The following FARP1 variants were observed in gnomAD, a reference collection of about 807,000 sequenced individuals.
FARP1 encodes FERM, ARHGEF and pleckstrin domain-containing protein 1.
In FARP1, 52 loss-of-function variants were observed where a neutral mutation model predicts 128.8. That is an observed-to-expected ratio of 0.40 (90% confidence interval 0.32 to 0.51). FARP1 has a LOEUF of 0.51. Ranked by LOEUF, FARP1 falls within the 20% of genes least tolerant of loss-of-function variation. The pLI is 0.45. For synonymous variants in FARP1, 580 were observed against 551.8 expected (o/e 1.05, Z -0.72); for missense variants, 1,333 against 1,367.9 (o/e 0.97, Z 0.40).
intron 2 of FARP1, among the ~76,000 whole-genome samples, chr13:98,300,388 C>CT (rs1190669984): frequency 1.3e-5 from 2 of 152,250 alleles, no homozygotes; most frequent in Non-Finnish European, 2.9e-5. Context: ...AACCACATCT[C>CT]TATCATCGTT....
chr13:98,245,279 G>A, intron 2 of FARP1: 1 of 984,546 alleles, frequency 1.0e-6, no homozygotes, highest in Non-Finnish European at 1.2e-6. Context: ...CATTTAGAAA[G>A]GCGAATAAAG....
chr13:98,440,701 G>T lies in FARP1; in HGVS notation c.2661G>T (p.Gln887His). 6.2e-7 allele frequency: 1 copy of T among 1,613,436 alleles called. No homozygotes were observed. ...KSPDEATAADQESEDDLSASR... is the reference protein window; with the variant it reads ...KSPDEATAADHESEDDLSASR... ...CTGATGAAGCCACCGCGGCTGACCA[G>T]GAGTCAGAGGATGACCTGAGCGCCT... The change falls in exon 24 of 27, where the codon CAG becomes CAT. Residue 887 changes from glutamine (Q) to histidine (H), a missense_variant. Gln to His is a conservative substitution (Grantham distance 24). This residue lies in a region of FARP1 where 1,009 missense variants were observed against 969.8 expected (regional missense o/e 1.04). Transcript: ENST00000319562.
intron 24 of FARP1, among the ~76,000 whole-genome samples, chr13:98,443,308 A>G (rs1249304098): frequency 6.6e-6 from 1 of 152,242 alleles, no homozygotes; most frequent in Admixed American, 6.5e-5. Context: ...GTGACCACCT[A>G]GTACAGTCAG....
intron 1 of FARP1, among the ~76,000 whole-genome samples, chr13:98,206,418 C>G (rs888216017): frequency 1.3e-5 from 2 of 152,150 alleles, no homozygotes; most frequent in African/African-American, 4.8e-5. Flanking sequence ...GCACACCTGT[C>G]CCTGTTATTC....
chr13:98,371,211 G>GC (rs1298402513), intron 5 of FARP1, among the ~76,000 whole-genome samples: 32 of 114,232 alleles, frequency 2.8e-4, no homozygotes, highest in Admixed American at 7.5e-4. Flanking sequence ...CCTCACCCCC[G>GC]CCCCCCGTTT....
At chr13:98,277,582 G>T (rs780664415) in intron 2 of FARP1, among the ~76,000 whole-genome samples, 2 of 152,162 alleles carry the variant, frequency 1.3e-5, no homozygotes, top group Admixed American at 1.3e-4. Flanking sequence ...GGGTGGTGGC[G>T]CTGGGAAAGG....
chr13:98,395,145 GC>G, intron 12 of FARP1, 81 bp from the exon 13 acceptor site: 1 of 1,486,506 alleles, frequency 6.7e-7, no homozygotes, highest in Non-Finnish European at 9.0e-7. Flanking sequence ...TTCTTGCCTG[GC>G]TCTCCTTTTC....
intron 25 of FARP1, 35 bp downstream of exon 25, chr13:98,446,240 C>A: frequency 7.0e-7 from 1 of 1,438,392 alleles, no homozygotes; most frequent in Non-Finnish European, 9.8e-7. Context: ...GGCCCTGGGA[C>A]CTTGGGGGTG....
intron 5 of FARP1, among the ~76,000 whole-genome samples, chr13:98,372,851 G>A (rs1021688235): frequency 6.6e-6 from 1 of 152,072 alleles, no homozygotes; most frequent in African/African-American, 2.4e-5. Context: ...TGTTTTCATT[G>A]TGTTTACCGG....
At chr13:98,260,013 T>C (rs1393312199) in intron 2 of FARP1, among the ~76,000 whole-genome samples, 3 of 151,974 alleles carry the variant, frequency 2.0e-5, no homozygotes, top group Non-Finnish European at 2.9e-5. Context: ...CAAAGTTCTT[T>C]CCTTATTTAA....
In FARP1 at chr13:98,454,275, C is replaced by T. The variant is rs1045597150; in HGVS notation, c.*5958C>T. 6.6e-6 allele frequency: 1 copy of T among 152,190 alleles called. No individual in the cohort carries two copies. The highest frequency in any genetic ancestry group is 1.5e-5 in the Non-Finnish European group (1 of 68,038). The allele number at this position is 152,190 out of a possible 1,614,324, so 9.4% of individuals were successfully genotyped here. A position where few individuals can be genotyped will look rare whatever the true frequency, so the allele number is the denominator to read the frequency against. ...ATTTCTGTGTCTTCCAAAAATTCTA[C>T]AAGATTGTCTTCAGAAGACAACAAA... On this transcript the variant is annotated 3_prime_UTR_variant, in exon 27 of 27. Coordinates refer to ENST00000319562, the MANE Select transcript of FARP1 (RefSeq NM_005766.4).
rs56857116 is a variant in FARP1 at position 98,446,484 on chromosome 13, C to A, written c.2905-182C>A. The A allele has an allele frequency of 9.3e-6, 6 of 642,504 alleles. No homozygotes were observed. In the East Asian group the frequency reaches 1.4e-4, roughly 15 times the overall value. 39.8% of individuals were successfully genotyped at this position (642,504 alleles called of 1,614,324 possible). ...GGCTTTATCTACAGCTCAGTCCTGG[C>A]GGGACTTGCCACCCGGGCCATCACG... On this transcript the variant is annotated intron_variant, in intron 25 of 26. Transcript: ENST00000319562.
Position 98,213,311 on chromosome 13 carries a change from T to G in FARP1, c.69T>G (p.Ser23Arg), listed in dbSNP as rs1430573241. The change falls in exon 2 of 27, where the codon AGT becomes AGG. Residue 23 changes from serine (S) to arginine (R), a missense_variant. Around this residue, in one of 2 missense-constraint regions of FARP1, gnomAD observed 324 missense variants for 398.1 expected, o/e 0.81. Coordinates refer to ENST00000319562, the MANE Select transcript of FARP1 (RefSeq NM_005766.4). ...RLGAPENSGI[S>R]TLERGQKPPP... ...GGGCCCCGGAAAATTCGGGGATCAG[T>G]ACCTTGGAACGTGGACAGAAGCCGC... 6.2e-7 allele frequency: 1 copy of G among 1,614,146 alleles called. No homozygotes were observed. Among genetic ancestry groups the G allele is most frequent in the African/African-American group, 1.3e-5 (1 of 75,044 alleles).
At chr13:98,167,470 C>T (rs7322822) in intron 1 of FARP1, among the ~76,000 whole-genome samples, 67,514 of 146,770 alleles carry the variant, frequency 0.46, 16,691 homozygotes, top group East Asian at 0.72. Flanking sequence ...AGTGCAGTGG[C>T]GCGATCTCAG....
intron 5 of FARP1, among the ~76,000 whole-genome samples, chr13:98,374,769 A>G (rs1024199911): frequency 1.3e-5 from 2 of 152,248 alleles, no homozygotes; most frequent in African/African-American, 2.4e-5. Context: ...GGATGGCTAA[A>G]AAGTTCAAGA....
rs532137801 is a variant in FARP1, at chr13:98,380,423, T to C, written c.496+2505T>C. 2.6e-3 allele frequency among the ~76,000 whole-genome samples: 381 copies of C among 144,434 alleles called. 2 individuals carry two copies. Among genetic ancestry groups the C allele is most frequent in the Admixed American group, 8.3e-3 (120 of 14,538 alleles). 94.8% of individuals were successfully genotyped at this position (144,434 alleles called of 152,430 possible). On this transcript the variant is annotated intron_variant, in intron 6 of 26. Transcript: ENST00000319562. Reference sequence around the variant, plus strand: ...GCCTGGGCGACAGAGTGAGACTCTGTCTAAAAAAAAAAAAAGAAGAAGAGT... The same window carrying C: ...GCCTGGGCGACAGAGTGAGACTCTGCCTAAAAAAAAAAAAAGAAGAAGAGT...
At chr13:98,149,722 A>C (rs564978130) in intron 1 of FARP1, among the ~76,000 whole-genome samples, 4 of 130,988 alleles carry the variant, frequency 3.1e-5, no homozygotes, top group African/African-American at 1.1e-4. Context: ...TGTCTGTTAG[A>C]TATTTACTTT....
intron 2 of FARP1, among the ~76,000 whole-genome samples, chr13:98,265,608 C>T (rs1480812668): frequency 2.6e-5 from 4 of 152,010 alleles, no homozygotes; most frequent in African/African-American, 7.3e-5. Context: ...CGTGAGCCAC[C>T]GCGCCCAGCC....
chr13:98,445,917 G>T, intron 24 of FARP1, 181 bp from the exon 25 acceptor site: 1 of 556,348 alleles, frequency 1.8e-6, no homozygotes. Flanking sequence ...AAGGGGAAGT[G>T]ATGAGATCAG....
Sources: allele counts gnomAD v4.1 joint callset (sites outside exome capture counted in the v4.1 genomes callset), GRCh38; gene constraint gnomAD v4.1.1; regional missense constraint gnomAD v4.1.1; transcripts MANE v1.5; gene names NCBI Gene and HGNC (gene_info 2026-07-23, HGNC 2026-07-21).